The following SPIRE1 variants were observed in gnomAD, a reference collection of about 807,000 sequenced individuals.
SPIRE1 encodes the protein protein spire homolog 1.
Under a neutral mutation model 94.1 loss-of-function variants are expected in SPIRE1, and 40 were observed. That is an observed-to-expected ratio of 0.43 (90% CI 0.33 to 0.55). The LOEUF (loss-of-function observed/expected upper bound fraction) is 0.55. Among genes scored for constraint, SPIRE1 ranks in the 20% least tolerant of loss-of-function variants. SPIRE1 has a pLI of 0.06. For synonymous variants in SPIRE1, 376 were observed against 371.7 expected (o/e 1.01, Z -0.13); for missense variants, 838 against 975.2 (o/e 0.86, Z 1.87).
upstream of SPIRE1, chr18:12,658,412 G>C: frequency 2.5e-6 from 1 of 401,678 alleles, no homozygotes; most frequent in Non-Finnish European, 5.1e-6. Flanking sequence ...TGTGGGGCGT[G>C]GGGGACACGC....
At chr18:12,644,920 CA>C (rs1377754843) in intron 1 of SPIRE1, among the ~76,000 whole-genome samples, 2 of 151,936 alleles carry the variant, frequency 1.3e-5, no homozygotes. Flanking sequence ...AAGGGCTGGA[CA>C]AATATTACTT....
intron 12 of SPIRE1, among the ~76,000 whole-genome samples, chr18:12,462,475 T>C (rs147029716): frequency 1.5e-4 from 23 of 152,362 alleles, no homozygotes; most frequent in African/African-American, 5.5e-4. Context: ...GAGACCTCTG[T>C]TGGCTGGGAG....
chr18:12,549,436 G>GT (rs1345452411), intron 2 of SPIRE1, among the ~76,000 whole-genome samples: 592 of 51,876 alleles, frequency 0.011, 34 homozygotes, highest in Middle Eastern at 0.029. Context: ...TTTTGTTATT[G>GT]TTGTTTTTTT....
chr18:12,607,596 TACACACACACACACACACACACACAC>T (rs34187168), intron 2 of SPIRE1, among the ~76,000 whole-genome samples: 11 of 146,226 alleles, frequency 7.5e-5, no homozygotes, highest in African/African-American at 2.6e-4. Context: ...TCCACAGCAC[TACACACACACACACACACACACACAC>T]ACACACACAC....
chr18:12,449,934 T>G, intron 16 of SPIRE1, 38 bp from the exon 17 acceptor site: 1 of 1,588,854 alleles, frequency 6.3e-7, no homozygotes, highest in Non-Finnish European at 8.6e-7. Context: ...GCATTGTTAC[T>G]TATAGGTCTG....
intron 12 of SPIRE1, among the ~76,000 whole-genome samples, chr18:12,458,542 A>T (rs1322520205): frequency 6.6e-6 from 1 of 152,112 alleles, no homozygotes; most frequent in Non-Finnish European, 1.5e-5. Flanking sequence ...TGAACCCAGG[A>T]GGCGGAGCTT....
chr18:12,625,968 T>C (rs1368902139), intron 2 of SPIRE1, among the ~76,000 whole-genome samples: 1 of 151,878 alleles, frequency 6.6e-6, no homozygotes, highest in Admixed American at 6.6e-5. Context: ...AGGCAGATGT[T>C]ACAGTGAGCT....
At chr18:12,626,052 A>C (rs866766802) in intron 2 of SPIRE1, among the ~76,000 whole-genome samples, 4,549 of 95,848 alleles carry the variant, frequency 0.047, 245 homozygotes, top group South Asian at 0.083. Context: ...GCCCCCCCCC[A>C]AAAAAAGGAA....
At chr18:12,454,223 T>C (rs2031393891) in intron 13 of SPIRE1, 123 bp downstream of exon 13, 1 of 1,122,478 alleles carries the variant, frequency 8.9e-7, no homozygotes, top group African/African-American at 1.5e-5. Context: ...GATATGAACA[T>C]CACACATCCC....
At chr18:12,607,596 TACACACACAC>T (rs34187168) in intron 2 of SPIRE1, among the ~76,000 whole-genome samples, 4,125 of 146,278 alleles carry the variant, frequency 0.028, 88 homozygotes, top group Non-Finnish European at 0.034. Context: ...TCCACAGCAC[TACACACACAC>T]ACACACACAC....
rs1010877817 is a variant in SPIRE1, at chr18:12,559,504, C to T, written c.373-12600G>A. Among the ~76,000 whole-genome samples the T allele has an allele frequency of 2.6e-5, 4 of 152,174 alleles. No homozygotes were observed. The highest frequency in any genetic ancestry group is 5.9e-5 in the Non-Finnish European group (4 of 68,020). On this transcript the variant is annotated intron_variant, in intron 2 of 16. Coordinates refer to ENST00000409402, the MANE Select transcript of SPIRE1 (RefSeq NM_001128626.2). The surrounding 1 kb of genome is among the most constrained non-coding windows in gnomAD (Gnocchi z 4.7). Reference sequence around the variant, plus strand: ...TCCCTGCAAGCAGAGGGAGCCGGCTCCGGCTTTGGCCAGCCCAGAGAGGGG... The same window carrying T: ...TCCCTGCAAGCAGAGGGAGCCGGCTTCGGCTTTGGCCAGCCCAGAGAGGGG...
In SPIRE1 at chr18:12,497,063, G is replaced by A. The variant is rs561251816; in HGVS notation, c.973-961C>T. Among the ~76,000 whole-genome samples the A allele has an allele frequency of 5.9e-5, 9 of 151,936 alleles. No individual in the cohort carries two copies. In the East Asian group the frequency reaches 1.8e-3, roughly 30 times the overall value. On this transcript the variant is annotated intron_variant, in intron 6 of 16. Transcript: ENST00000409402. ...AGCCTAGGCAACAGAGCAAGACTCT[G>A]TCGCAAAACAACAACAACAACAAAA...
At chr18:12,656,541 T>TA (rs1314993375) in intron 1 of SPIRE1, 1 of 173,872 alleles carries the variant, frequency 5.8e-6, no homozygotes, top group African/African-American at 2.4e-5. Flanking sequence ...TTTCATTAAA[T>TA]GTCATTTTAC....
intron 2 of SPIRE1, among the ~76,000 whole-genome samples, chr18:12,562,438 C>A (rs933052489): frequency 6.7e-6 from 1 of 148,320 alleles, no homozygotes; most frequent in Non-Finnish European, 1.5e-5. Flanking sequence ...GCACCTGCCA[C>A]CAACACCTGA....
intron 3 of SPIRE1, among the ~76,000 whole-genome samples, chr18:12,540,102 T>G (rs1345645779): frequency 6.6e-6 from 1 of 151,920 alleles, no homozygotes; most frequent in Non-Finnish European, 1.5e-5. Context: ...GGAAAGAGTG[T>G]CCCAGGCATG....
intron 12 of SPIRE1, among the ~76,000 whole-genome samples, chr18:12,457,454 C>T (rs60986374): frequency 0.028 from 3,210 of 114,920 alleles, 113 homozygotes; most frequent in African/African-American, 0.15. Flanking sequence ...CCAGCTAGAG[C>T]GGGAGCCCTT....
chr18:12,592,683 T>G (rs1342673019), intron 2 of SPIRE1, among the ~76,000 whole-genome samples: 2 of 152,212 alleles, frequency 1.3e-5, no homozygotes, highest in Non-Finnish European at 2.9e-5. Context: ...TGATTATCAT[T>G]CAATATCGCC....
At chr18:12,479,437 G>A (rs1046831300) in intron 10 of SPIRE1, among the ~76,000 whole-genome samples, 1 of 152,090 alleles carries the variant, frequency 6.6e-6, no homozygotes, top group Non-Finnish European at 1.5e-5. Context: ...GCCTACCAAA[G>A]TGCTGGGATT....
At chr18:12,645,089 A>T (rs1187590414) in intron 1 of SPIRE1, among the ~76,000 whole-genome samples, 1 of 131,230 alleles carries the variant, frequency 7.6e-6, no homozygotes, top group Non-Finnish European at 1.7e-5. Context: ...CCACACACAC[A>T]TACAAAAGAA....
Sources: allele counts gnomAD v4.1 joint callset (sites outside exome capture counted in the v4.1 genomes callset), GRCh38; gene constraint gnomAD v4.1.1; non-coding constraint Gnocchi (gnomAD v3.1); transcripts MANE v1.5; gene names NCBI Gene and HGNC (gene_info 2026-07-23, HGNC 2026-07-21).